The following PTPRM variants were observed in gnomAD, a reference collection of about 807,000 sequenced individuals.
PTPRM encodes the protein protein tyrosine phosphatase receptor type M, also known as receptor-type tyrosine-protein phosphatase mu.
A neutral mutation model predicts 186.7 loss-of-function variants in PTPRM; 47 were observed. The observed-to-expected ratio is 0.25, with a 90% CI of 0.20 to 0.32. The LOEUF (loss-of-function observed/expected upper bound fraction) is 0.32. Ranked by LOEUF, PTPRM falls within the 10% of genes least tolerant of loss-of-function variation. The pLI is 1.00. For missense variants in PTPRM, 1,494 were observed against 1,865.0 expected (o/e 0.80, Z 3.66); for synonymous variants, 668 against 674.9 (o/e 0.99, Z 0.16).
intron 7 of PTPRM, among the ~76,000 whole-genome samples, chr18:8,016,530 CAA>C (rs563624187): frequency 1.6e-4 from 11 of 70,152 alleles, no homozygotes; most frequent in Middle Eastern, 5.8e-3. Flanking sequence ...AAGAGTCTGT[CAA>C]AAAAAAAAAA....
Position 7,642,070 on chromosome 18 carries a change from A to G in PTPRM, c.73+74179A>G, listed in dbSNP as rs1038258080. Among the ~76,000 whole-genome samples the G allele has an allele frequency of 4.6e-5, 7 of 152,204 alleles. 1 individual carries two copies. Among genetic ancestry groups the G allele is most frequent in the Non-Finnish European group, 7.3e-5 (5 of 68,038 alleles). On this transcript the variant is annotated intron_variant, in intron 1 of 32. Coordinates refer to ENST00000580170, the MANE Select transcript of PTPRM (RefSeq NM_001105244.2). ...CTGCTTCCGTGGCAGACCTTGTCCC[A>G]AATATTTCAGGATTGATCAAGCAAG...
intron 28 of PTPRM, 62 bp from the exon 29 acceptor site, chr18:8,380,234 C>G (rs1390276261): frequency 6.5e-7 from 1 of 1,546,652 alleles, no homozygotes; most frequent in East Asian, 2.3e-5. Context: ...CATGAAATAA[C>G]CTAGCTTCTT....
Position 8,244,085 on chromosome 18 carries a change from C to T in PTPRM, c.2328C>T (p.Thr776=), listed in dbSNP as rs2094455974. The change falls in exon 15 of 33, where the codon ACC becomes ACT. Residue 776 remains threonine, a synonymous_variant. Transcript: ENST00000580170. ...AACTGGCCAAGAAGCGGAAAGAGACCATGAGCAGCACCCGACAGGAGATGA... is the reference window on the plus strand; with the variant it reads ...AACTGGCCAAGAAGCGGAAAGAGACTATGAGCAGCACCCGACAGGAGATGA... ...KRKLAKKRKE[T]MSSTRQEMTV... The T allele has an allele frequency of 6.2e-7, 1 of 1,609,134 alleles. No homozygotes were observed. Among genetic ancestry groups the T allele is most frequent in the African/African-American group, 1.3e-5 (1 of 74,556 alleles).
intron 14 of PTPRM, among the ~76,000 whole-genome samples, chr18:8,164,430 A>T (rs1039595960): frequency 6.6e-6 from 1 of 152,248 alleles, no homozygotes; most frequent in African/African-American, 2.4e-5. Flanking sequence ...ATGATAGCTG[A>T]AAGTTAGAAG....
chr18:8,347,203 T>C (rs1323066195), intron 23 of PTPRM, among the ~76,000 whole-genome samples: 2 of 152,232 alleles, frequency 1.3e-5, no homozygotes, highest in Non-Finnish European at 1.5e-5. Context: ...GGAGCTCGCT[T>C]ACAGGAAGAG....
intron 3 of PTPRM, among the ~76,000 whole-genome samples, chr18:7,891,153 G>T (rs2049055844): frequency 6.6e-6 from 1 of 151,826 alleles, no homozygotes; most frequent in African/African-American, 2.4e-5. Flanking sequence ...GGACATGGTG[G>T]CGTGTGCCTG....
chr18:7,622,066 A>G (rs185093911), intron 1 of PTPRM, among the ~76,000 whole-genome samples: 132 of 152,270 alleles, frequency 8.7e-4, no homozygotes, highest in African/African-American at 3.0e-3. Context: ...TGGCTAGACC[A>G]TTTCTCATTC....
At chr18:8,291,252 A>G (rs924545642) in intron 19 of PTPRM, among the ~76,000 whole-genome samples, 3 of 152,226 alleles carry the variant, frequency 2.0e-5, no homozygotes, top group Non-Finnish European at 4.4e-5. Context: ...TGAGAGTTAG[A>G]GGAGGAGTTG....
chr18:8,153,071 T>C (rs2093047218), intron 14 of PTPRM, among the ~76,000 whole-genome samples: 1 of 152,198 alleles, frequency 6.6e-6, no homozygotes, highest in South Asian at 2.1e-4. Flanking sequence ...GATAGCTTAT[T>C]TTTGGCACCA....
intron 13 of PTPRM, among the ~76,000 whole-genome samples, chr18:8,116,022 G>A (rs942884297): frequency 6.6e-6 from 1 of 152,032 alleles, no homozygotes; most frequent in Non-Finnish European, 1.5e-5. Flanking sequence ...ATATCATATT[G>A]TACCTAAGTG....
chr18:8,229,221 T>G (rs2094254288), intron 14 of PTPRM, among the ~76,000 whole-genome samples: 1 of 152,130 alleles, frequency 6.6e-6, no homozygotes, highest in Non-Finnish European at 1.5e-5. Context: ...ACAGGAGATG[T>G]TAGAACAGAA....
intron 1 of PTPRM, among the ~76,000 whole-genome samples, chr18:7,666,060 A>G (rs1201221355): frequency 6.6e-6 from 1 of 152,378 alleles, no homozygotes; most frequent in East Asian, 1.9e-4. Context: ...ACATGCCATC[A>G]TAAAATATTT....
chr18:7,869,418 C>T (rs748724341), intron 2 of PTPRM, among the ~76,000 whole-genome samples: 2 of 152,152 alleles, frequency 1.3e-5, no homozygotes, highest in African/African-American at 2.4e-5. Context: ...CCTTATGGCA[C>T]AGTGCCTCAT....
chr18:8,124,256 A>G (rs2092269291), intron 13 of PTPRM, among the ~76,000 whole-genome samples: 1 of 152,202 alleles, frequency 6.6e-6, no homozygotes, highest in Admixed American at 6.5e-5. Flanking sequence ...TTCTTTCTTC[A>G]GTATTTACTG....
chr18:7,711,100 C>G lies in PTPRM; in HGVS notation c.74-63049C>G, dbSNP rs150147289. ...CTCCCAGTGAGATCAATGCAGAAGG[C>G]GGGTGATTTCTGCATTTCCAACTGA... On this transcript the variant is annotated intron_variant, in intron 1 of 32. Coordinates refer to ENST00000580170, the MANE Select transcript of PTPRM (RefSeq NM_001105244.2). 7.4e-3 allele frequency among the ~76,000 whole-genome samples: 1,131 copies of G among 152,172 alleles called. 18 individuals carry two copies. Among genetic ancestry groups the G allele is most frequent in the African/African-American group, 0.026 (1,094 of 41,534 alleles).
At chr18:7,767,440 A>G (rs1175376721) in intron 1 of PTPRM, among the ~76,000 whole-genome samples, 1 of 152,144 alleles carries the variant, frequency 6.6e-6, no homozygotes, top group African/African-American at 2.4e-5. Flanking sequence ...TTTCTTGTCA[A>G]TTTGTTTTCC....
At chr18:7,619,374 G>A (rs1248342186) in intron 1 of PTPRM, among the ~76,000 whole-genome samples, 4 of 151,994 alleles carry the variant, frequency 2.6e-5, no homozygotes, top group African/African-American at 9.7e-5. Flanking sequence ...GGATTGACTG[G>A]GCTTTGTAAA....
At chr18:8,160,571 AG>A (rs2093211539) in intron 14 of PTPRM, among the ~76,000 whole-genome samples, 1 of 152,224 alleles carries the variant, frequency 6.6e-6, no homozygotes, top group South Asian at 2.1e-4. Flanking sequence ...CTGGGATTAC[AG>A]GCACTGAACC....
chr18:8,054,607 A>G (rs2087779687), intron 7 of PTPRM, among the ~76,000 whole-genome samples: 1 of 151,882 alleles, frequency 6.6e-6, no homozygotes, highest in South Asian at 2.1e-4. Flanking sequence ...ATCTTACAAC[A>G]CTGTAACTCT....
Sources: allele counts gnomAD v4.1 joint callset (sites outside exome capture counted in the v4.1 genomes callset), GRCh38; gene constraint gnomAD v4.1.1; transcripts MANE v1.5; gene names NCBI Gene and HGNC (gene_info 2026-07-23, HGNC 2026-07-21).